Variants in CD36 observed in about 807,000 individuals in gnomAD.
The protein encoded by CD36 is CD36 molecule (CD36 blood group), also known as platelet glycoprotein 4.
CD36 carries 119 observed loss-of-function variants against 55.2 expected under a neutral mutation model. The observed-to-expected ratio is 2.15, with a 90% confidence interval of 1.86 to 2.51. The LOEUF is 2.51. Ranked by LOEUF, CD36 falls within the 30% of genes most tolerant of loss-of-function variation. The pLI is 0.00. For synonymous variants in CD36, 186 were observed against 193.6 expected (o/e 0.96, Z 0.33); for missense variants, 819 against 555.5 (o/e 1.47, Z -4.77).
chr7:80,672,310 T>C (rs1459551779), intron 11 of CD36, among the ~76,000 whole-genome samples: 4 of 151,866 alleles, frequency 2.6e-5, no homozygotes, highest in Non-Finnish European at 4.4e-5. Context: ...AGTTTGACTA[T>C]ACTTATTGTC....
chr7:80,664,448 A>G lies in CD36; in HGVS notation c.652A>G (p.Lys218Glu). ...ADGVYKVFNG[K>E]DNISKVAIID... The stretch of plus-strand genomic sequence containing the variant: ...TGGAGTTTATAAAGTTTTCAATGGA[A>G]AAGATAACATAAGTAAAGTTGCCAT... Residue 218 changes from lysine to glutamate, a missense_variant, in exon 7 of 15, where the codon AAA becomes GAA. By Grantham distance (56) the Lys-to-Glu change is moderately conservative (BLOSUM62 1). Coordinates refer to ENST00000447544, the MANE Select transcript of CD36 (RefSeq NM_001001548.3). The G allele has an allele frequency of 1.3e-6, 2 of 1,583,176 alleles. No individual in the cohort carries two copies. The highest frequency in any genetic ancestry group is 1.7e-6 in the Non-Finnish European group (2 of 1,152,048).
chr7:80,645,929 A>G (rs1795136765), intron 1 of CD36, among the ~76,000 whole-genome samples, 159 bp from the exon 2 acceptor site: 1 of 152,170 alleles, frequency 6.6e-6, no homozygotes, highest in Admixed American at 6.5e-5. Flanking sequence ...CATGTTTTAA[A>G]CAGTTTTTAG....
intron 11 of CD36, among the ~76,000 whole-genome samples, chr7:80,672,345 C>CAACAGTTTTAATCA (rs1797772650): frequency 6.6e-6 from 1 of 151,676 alleles, no homozygotes; most frequent in East Asian, 1.9e-4. Flanking sequence ...TGTTGTAGCG[C>CAACAGTTTTAATCA]AACAGTTTTA....
chr7:80,604,484 C>A (rs1269866617), intron 1 of CD36, among the ~76,000 whole-genome samples: 1 of 148,026 alleles, frequency 6.8e-6, no homozygotes, highest in Non-Finnish European at 1.5e-5. Flanking sequence ...TCTGACAAAC[C>A]ACGTGGAGAA....
rs370975052 is a variant in CD36 at position 80,656,523 on chromosome 7, T to G, written c.121-17T>G. 2.5e-6 allele frequency: 4 copies of G among 1,612,446 alleles called. No individual in the cohort carries two copies. The highest frequency in any genetic ancestry group is 3.4e-6 in the Non-Finnish European group (4 of 1,179,024). On this transcript the variant is annotated splice_polypyrimidine_tract_variant and intron_variant, in intron 3 of 14. Transcript: ENST00000447544. Reference sequence around the variant, plus strand: ...TTACTACAAAGACATAACCCAAACTTATTTTCTTTTTCATAGCAAGTTGTC... The same window carrying G: ...TTACTACAAAGACATAACCCAAACTGATTTTCTTTTTCATAGCAAGTTGTC...
intron 1 of CD36, among the ~76,000 whole-genome samples, chr7:80,613,509 C>A (rs374946662): frequency 6.6e-6 from 1 of 152,220 alleles, no homozygotes; most frequent in South Asian, 2.1e-4. Flanking sequence ...TATCTTTTCA[C>A]AAGATCCTAC....
chr7:80,623,562 A>G (rs561799434), intron 1 of CD36, among the ~76,000 whole-genome samples: 1 of 152,270 alleles, frequency 6.6e-6, no homozygotes, highest in South Asian at 2.1e-4. Context: ...TTGCATATAC[A>G]ATATTGTACC....
At chr7:80,673,558 A>G (rs1797941804) in intron 13 of CD36, 149 bp downstream of exon 13, 3 of 639,490 alleles carry the variant, frequency 4.7e-6, no homozygotes, top group Non-Finnish European at 8.5e-6. Context: ...CCTATTTGAG[A>G]TGATCCAATT....
intron 4 of CD36, among the ~76,000 whole-genome samples, chr7:80,658,669 G>GT (rs1176109961): frequency 6.6e-6 from 1 of 151,948 alleles, no homozygotes; most frequent in Non-Finnish European, 1.5e-5. Flanking sequence ...ATTTTTATGG[G>GT]TTTTGTTTTG....
intron 4 of CD36, 70 bp downstream of exon 4, chr7:80,656,770 G>T (rs1796125287): frequency 7.4e-7 from 1 of 1,354,542 alleles, no homozygotes; most frequent in African/African-American, 1.4e-5. Flanking sequence ...CTTCTACTTG[G>T]CAAATGTCAT....
At position 80,668,520 on chromosome 7, in the gene CD36, A is replaced by G. The variant is rs1158445902; in HGVS notation, c.749-1433A>G. 7.9e-5 allele frequency among the ~76,000 whole-genome samples: 12 copies of G among 152,350 alleles called. No homozygotes were observed. The East Asian group carries it at 2.3e-3, about 29-fold the overall frequency. Reference sequence around the variant, plus strand: ...AGACTTAAAATGAAAGTATTGGTATACATTTAGAATGTTTCTTTTGGGAGG... The same window carrying G: ...AGACTTAAAATGAAAGTATTGGTATGCATTTAGAATGTTTCTTTTGGGAGG... On this transcript the variant is annotated intron_variant, in intron 8 of 14. Transcript: ENST00000447544.
intron 1 of CD36, among the ~76,000 whole-genome samples, chr7:80,622,247 G>A (rs1793511828): frequency 6.6e-6 from 1 of 152,184 alleles, no homozygotes; most frequent in Non-Finnish European, 1.5e-5. Context: ...TTCTTCTGGG[G>A]CACGAGACAA....
chr7:80,606,692 G>A (rs571917370), intron 1 of CD36, among the ~76,000 whole-genome samples: 3 of 152,206 alleles, frequency 2.0e-5, no homozygotes, highest in Admixed American at 2.0e-4. Context: ...GGGTCATCTT[G>A]GAGATTTGCT....
At chr7:80,610,791 T>C (rs1584265721) in intron 1 of CD36, among the ~76,000 whole-genome samples, 1 of 152,144 alleles carries the variant, frequency 6.6e-6, no homozygotes, top group Non-Finnish European at 1.5e-5. Context: ...GCCAGGCTGG[T>C]CTCTATCTCC....
rs73378947 is a variant in CD36 at position 80,629,516 on chromosome 7, G to A, written c.-183-16572G>A. Among the ~76,000 whole-genome samples, 1,207 of 152,010 alleles carry A rather than the reference G, an allele frequency of 7.9e-3. 16 individuals are homozygous for A. Among genetic ancestry groups the A allele is most frequent in the African/African-American group, 0.028 (1,148 of 41,496 alleles). ...CACATCAACATATGGAGAAACTTTC[G>A]AATCTTTCCCTCTGAACTTAGTGTT... On this transcript the variant is annotated intron_variant, in intron 1 of 13. Transcript: ENST00000309881.
At chr7:80,670,665 TATTTC>T in intron 9 of CD36, 1 of 345,934 alleles carries the variant, frequency 2.9e-6, no homozygotes, top group Non-Finnish European at 5.3e-6. Context: ...TGAAAGAAAC[TATTTC>T]ATTTAAACTG....
At chr7:80,670,062 C>T (rs762498322) in intron 9 of CD36, 40 bp downstream of exon 9, 15 of 1,233,340 alleles carry the variant, frequency 1.2e-5, no homozygotes, top group Non-Finnish European at 1.7e-5. Context: ...CTGAGTCAGA[C>T]CCCAGGTGAC....
Position 80,666,427 on chromosome 7 carries a change from C to G in CD36, c.702-16C>G, listed in dbSNP as rs761829928. On this transcript the variant is annotated splice_polypyrimidine_tract_variant and intron_variant, in intron 7 of 14. Transcript: ENST00000447544. Reference sequence around the variant, plus strand: ...TTAAATAAGAATGTTTATTCATTGTCTTTTTCTATTCCTAGGAATCTGTCC... The same window carrying G: ...TTAAATAAGAATGTTTATTCATTGTGTTTTTCTATTCCTAGGAATCTGTCC... The G allele has an allele frequency of 6.4e-7, 1 of 1,550,592 alleles. No individual in the cohort carries two copies. The highest frequency in any genetic ancestry group is 1.7e-5 in the Admixed American group (1 of 59,882).
Position 80,663,481 on chromosome 7 carries a change from T to TTTTA in CD36, c.609+316_609+319dup, listed in dbSNP as rs550208661. ...TAAATCTTTGAGCACTGTTTTTGGCTTTTATTTCCCTATTCACATAATCAA... is the reference window on the plus strand; with the variant it reads ...TAAATCTTTGAGCACTGTTTTTGGCTTTTATTTATTTCCCTATTCACATAATCAA... On this transcript the variant is annotated intron_variant, in intron 6 of 14. Transcript: ENST00000447544. Among the ~76,000 whole-genome samples the TTTTA allele has an allele frequency of 1.3e-3, 199 of 152,252 alleles. 7 individuals are homozygous for TTTTA. The South Asian group carries it at 0.04, about 31-fold the overall frequency.
Sources: gnomAD v4.1 joint callset for allele counts (sites outside exome capture counted in the v4.1 genomes callset) on GRCh38, gnomAD v4.1.1 for gene constraint, MANE v1.5 for transcripts, NCBI Gene and HGNC (gene_info 2026-07-23, HGNC 2026-07-21) for gene names.